SLC1A1: variants seen among roughly 807,000 people sequenced by gnomAD.
The protein encoded by SLC1A1 is solute carrier family 1 member 1, also known as excitatory amino acid transporter 3.
In SLC1A1, 43 loss-of-function variants were observed where a neutral mutation model predicts 53.3. The observed-to-expected ratio is 0.81, with a 90% CI of 0.63 to 1.04. SLC1A1 has a LOEUF of 1.04. Ranked by LOEUF, SLC1A1 falls within the 50% of genes least tolerant of loss-of-function variation. SLC1A1 has a pLI of 0.00. For missense variants in SLC1A1, 748 were observed against 664.9 expected (o/e 1.12, Z -1.37); for synonymous variants, 307 against 243.2 (o/e 1.26, Z -2.44).
intron 1 of SLC1A1, among the ~76,000 whole-genome samples, chr9:4,533,438 A>C (rs1369108613): frequency 1.3e-5 from 2 of 152,194 alleles, no homozygotes; most frequent in Non-Finnish European, 2.9e-5. Flanking sequence ...AACAGACTTT[A>C]AACCAACAAA....
intron 5 of SLC1A1, among the ~76,000 whole-genome samples, chr9:4,566,893 G>C (rs1394028085): frequency 6.6e-6 from 1 of 152,096 alleles, no homozygotes; most frequent in African/African-American, 2.4e-5. Flanking sequence ...ATTCACATAA[G>C]TTACATGAAC....
At chr9:4,551,457 A>G (rs1208205428) in intron 2 of SLC1A1, among the ~76,000 whole-genome samples, 1 of 152,244 alleles carries the variant, frequency 6.6e-6, no homozygotes, top group African/African-American at 2.4e-5. Context: ...AGTCAGGTCC[A>G]GGAGTCCCTC....
intron 1 of SLC1A1, among the ~76,000 whole-genome samples, chr9:4,491,198 A>G (rs1820224388): frequency 6.6e-6 from 1 of 152,194 alleles, no homozygotes; most frequent in South Asian, 2.1e-4. Flanking sequence ...AGTGTGGATT[A>G]CAGTTCTCAG....
chr9:4,505,045 C>CTTTTTTTTTTTTT (rs3038189), intron 1 of SLC1A1, among the ~76,000 whole-genome samples: 2 of 115,020 alleles, frequency 1.7e-5, no homozygotes, highest in Non-Finnish European at 3.4e-5. Flanking sequence ...ACATATATTT[C>CTTTTTTTTTTTTT]TTTTTTTTTT....
At chr9:4,520,731 G>T (rs1422654735) in intron 1 of SLC1A1, among the ~76,000 whole-genome samples, 4 of 152,152 alleles carry the variant, frequency 2.6e-5, no homozygotes, top group Non-Finnish European at 4.4e-5. Flanking sequence ...AACATTTCTT[G>T]TACAGTTTTT....
intron 1 of SLC1A1, among the ~76,000 whole-genome samples, chr9:4,528,484 G>A (rs1426625532): frequency 6.6e-6 from 1 of 152,166 alleles, no homozygotes; most frequent in Non-Finnish European, 1.5e-5. Context: ...ACTGAGGCAG[G>A]AGAATGGCGT....
chr9:4,539,083 A>G (rs1452567552), intron 1 of SLC1A1, among the ~76,000 whole-genome samples: 1 of 152,202 alleles, frequency 6.6e-6, no homozygotes, highest in East Asian at 1.9e-4. Flanking sequence ...TACATAGAGA[A>G]CTACTCTATG....
At chr9:4,538,472 C>T (rs1344613847) in intron 1 of SLC1A1, among the ~76,000 whole-genome samples, 1 of 152,170 alleles carries the variant, frequency 6.6e-6, no homozygotes, top group Non-Finnish European at 1.5e-5. Context: ...GCCAGCTTGA[C>T]TTTTCCCTTT....
At chr9:4,513,243 A>G (rs1000042285) in intron 1 of SLC1A1, among the ~76,000 whole-genome samples, 1 of 152,228 alleles carries the variant, frequency 6.6e-6, no homozygotes, top group Non-Finnish European at 1.5e-5. Flanking sequence ...TCCAAAAGGC[A>G]CTTAAGAGAA....
intron 1 of SLC1A1, among the ~76,000 whole-genome samples, chr9:4,538,245 A>G (rs1013438932): frequency 2.0e-5 from 3 of 152,208 alleles, no homozygotes; most frequent in South Asian, 4.1e-4. Flanking sequence ...TGAGATATCA[A>G]TCAGTACATG....
At chr9:4,498,998 GATTAT>G (rs944243894) in intron 1 of SLC1A1, among the ~76,000 whole-genome samples, 3 of 124,306 alleles carry the variant, frequency 2.4e-5, no homozygotes, top group African/African-American at 1.3e-4. Context: ...TTATATATAA[GATTAT>G]ATATTATATA....
chr9:4,493,320 G>C (rs986861458), intron 1 of SLC1A1, among the ~76,000 whole-genome samples: 3 of 152,196 alleles, frequency 2.0e-5, no homozygotes, highest in East Asian at 3.9e-4. Flanking sequence ...CTGGGCCTGA[G>C]TGGAAACTCA....
rs962001910 is a variant in SLC1A1 at position 4,544,501 on chromosome 9, T to A, written c.92-66T>A. 2.1e-6 allele frequency: 3 copies of A among 1,435,952 alleles called. No individual in the cohort carries two copies. The African/African-American group carries it at 4.2e-5, about 20-fold the overall frequency. The allele number at this position is 1,435,952 out of a possible 1,614,324, so 89.0% of individuals were successfully genotyped here. A position where few individuals can be genotyped will look rare whatever the true frequency, so the allele number is the denominator to read the frequency against. On this transcript the variant is annotated intron_variant, in intron 1 of 11. Transcript: ENST00000262352. ...ATGTGCATTTGGGAGTATTTTTCCA[T>A]AGACATAGATACAGGAGAACTCAAT...
rs377611774 is a variant in SLC1A1, at chr9:4,560,411, AATAT to A, written c.233-1037_233-1034del. Among the ~76,000 whole-genome samples the A allele has an allele frequency of 4.2e-3, 647 of 152,290 alleles. 4 individuals are homozygous for A. Among genetic ancestry groups the A allele is most frequent in the Non-Finnish European group, 7.4e-3 (500 of 68,026 alleles). On this transcript the variant is annotated intron_variant, in intron 2 of 11. Coordinates refer to ENST00000262352, the MANE Select transcript of SLC1A1 (RefSeq NM_004170.6). ...AATGTGGGAAAATGCTTACAACTAT[AATAT>A]TAAGAAGAAGAGAGAGGGTTAGAAA... is the stretch of plus-strand genomic sequence containing the variant.
chr9:4,527,892 C>A (rs929367373), intron 1 of SLC1A1, among the ~76,000 whole-genome samples: 4 of 151,930 alleles, frequency 2.6e-5, no homozygotes, highest in African/African-American at 9.7e-5. Context: ...GAAATAAAAC[C>A]CTCCTGAAGT....
At chr9:4,546,373 A>T (rs2130882362) in intron 2 of SLC1A1, among the ~76,000 whole-genome samples, 1 of 152,300 alleles carries the variant, frequency 6.6e-6, no homozygotes, top group South Asian at 2.1e-4. Context: ...AAATTGTCAT[A>T]AGCATTTAAA....
At chr9:4,561,922 A>AT (rs149607078) in intron 3 of SLC1A1, among the ~76,000 whole-genome samples, 1,960 of 152,022 alleles carry the variant, frequency 0.013, 31 homozygotes, top group East Asian at 0.089. Flanking sequence ...TAAAATATGT[A>AT]TTTTTTTAAT....
intron 1 of SLC1A1, among the ~76,000 whole-genome samples, chr9:4,515,325 T>A (rs1032390742): frequency 3.3e-5 from 5 of 151,906 alleles, no homozygotes; most frequent in Admixed American, 2.0e-4. Flanking sequence ...ATGGGAAGAG[T>A]ATCAGATATT....
At chr9:4,494,374 G>A (rs537141976) in intron 1 of SLC1A1, among the ~76,000 whole-genome samples, 18 of 152,222 alleles carry the variant, frequency 1.2e-4, no homozygotes, top group Non-Finnish European at 2.6e-4. Context: ...GCACTCAATA[G>A]TTGTTATTTT....
Sources: allele counts gnomAD v4.1 joint callset (sites outside exome capture counted in the v4.1 genomes callset), GRCh38; gene constraint gnomAD v4.1.1; transcripts MANE v1.5; gene names NCBI Gene and HGNC (gene_info 2026-07-23, HGNC 2026-07-21).